ZNF804B: variants seen among roughly 807,000 people sequenced by gnomAD.
ZNF804B encodes zinc finger protein 804B.
Under a neutral mutation model 101.4 loss-of-function variants are expected in ZNF804B, and 80 were observed. The observed-to-expected ratio is 0.79, with a 90% CI of 0.66 to 0.95. The LOEUF (loss-of-function observed/expected upper bound fraction) is 0.95. ZNF804B is among the 40% of genes least tolerant of loss of function. ZNF804B has a pLI of 0.00. For synonymous variants in ZNF804B, 622 were observed against 558.8 expected (o/e 1.11, Z -1.59); for missense variants, 1,673 against 1,561.9 (o/e 1.07, Z -1.20).
chr7:89,321,482 AAAT>A lies in ZNF804B; in HGVS notation c.250-5846_250-5844del, dbSNP rs570968450. Among the ~76,000 whole-genome samples the A allele has an allele frequency of 3.4e-3, 512 of 152,106 alleles. 2 individuals carry two copies. The highest frequency in any genetic ancestry group is 8.7e-3 in the African/African-American group (361 of 41,508). ...CAACAGAGCGAGACCCCATCTCAAA[AAAT>A]AATAATAATAATAATTTTATGTTAC... is the stretch of plus-strand genomic sequence containing the variant. On this transcript the variant is annotated intron_variant, in intron 2 of 3. Transcript: ENST00000333190.
intron 2 of ZNF804B, among the ~76,000 whole-genome samples, chr7:89,273,303 T>C (rs1033938517): frequency 6.6e-6 from 1 of 152,056 alleles, no homozygotes; most frequent in Non-Finnish European, 1.5e-5. Context: ...CCAAGCTAAA[T>C]GAAAGGAAGA....
intron 1 of ZNF804B, among the ~76,000 whole-genome samples, chr7:88,926,310 G>A (rs1792795425): frequency 6.6e-6 from 1 of 152,012 alleles, no homozygotes; most frequent in African/African-American, 2.4e-5. Flanking sequence ...AAGGAGGCCG[G>A]GTGTGGTGGC....
At chr7:89,113,339 G>A (rs1162336550) in intron 1 of ZNF804B, among the ~76,000 whole-genome samples, 2 of 152,102 alleles carry the variant, frequency 1.3e-5, no homozygotes, top group Non-Finnish European at 2.9e-5. Context: ...ACCTGCACAT[G>A]TAATAAACCT....
At chr7:88,823,733 T>G (rs375386061) in intron 1 of ZNF804B, among the ~76,000 whole-genome samples, 4 of 152,096 alleles carry the variant, frequency 2.6e-5, no homozygotes, top group African/African-American at 9.7e-5. Context: ...GCTTCTACTA[T>G]TGGGATCTAT....
At chr7:89,112,484 G>C (rs879792614) in intron 1 of ZNF804B, among the ~76,000 whole-genome samples, 1 of 152,088 alleles carries the variant, frequency 6.6e-6, no homozygotes, top group African/African-American at 2.4e-5. Flanking sequence ...CTATTTGTCT[G>C]TTCTTTTGCC....
chr7:89,006,803 A>C (rs1185747163), intron 1 of ZNF804B, among the ~76,000 whole-genome samples: 1 of 152,124 alleles, frequency 6.6e-6, no homozygotes, highest in Non-Finnish European at 1.5e-5. Flanking sequence ...GCTCCTCTGC[A>C]AATGTAGATT....
chr7:88,942,734 T>C (rs1793074210), intron 1 of ZNF804B, among the ~76,000 whole-genome samples: 1 of 151,806 alleles, frequency 6.6e-6, no homozygotes. Flanking sequence ...TATAAAGTCT[T>C]TTCTAGTCTT....
chr7:89,124,262 A>G (rs1562890619), intron 1 of ZNF804B, among the ~76,000 whole-genome samples: 1 of 152,166 alleles, frequency 6.6e-6, no homozygotes, highest in East Asian at 1.9e-4. Flanking sequence ...AAAGCCAGTC[A>G]TCCAGGCATC....
At chr7:88,970,670 A>G (rs1359264162) in intron 1 of ZNF804B, among the ~76,000 whole-genome samples, 3 of 151,304 alleles carry the variant, frequency 2.0e-5, no homozygotes, top group African/African-American at 7.3e-5. Flanking sequence ...ATAAAGTTCT[A>G]TTGGAACACA....
intron 2 of ZNF804B, among the ~76,000 whole-genome samples, chr7:89,286,437 T>C (rs983995117): frequency 6.6e-6 from 1 of 152,224 alleles, no homozygotes; most frequent in African/African-American, 2.4e-5. Context: ...CCTGAAACAA[T>C]TAATTACTAC....
chr7:88,869,096 C>T (rs1791778176), intron 1 of ZNF804B, among the ~76,000 whole-genome samples: 1 of 152,178 alleles, frequency 6.6e-6, no homozygotes, highest in African/African-American at 2.4e-5. Flanking sequence ...CCATCACACA[C>T]TACAGAGGCA....
chr7:89,333,609 T>C lies in ZNF804B; in HGVS notation c.627T>C (p.Asp209=). The C allele has an allele frequency of 6.2e-7, 1 of 1,613,624 alleles. No individual in the cohort carries two copies. The highest frequency in any genetic ancestry group is 8.5e-7 in the Non-Finnish European group (1 of 1,179,734). The change falls in exon 4 of 4, where the codon GAT becomes GAC. Residue 209 remains aspartate (D), a synonymous_variant. Transcript: ENST00000333190. ...FGNQVLQTSS[D]LSNANHRTGV... ...ATCAGGTACTGCAAACATCTTCAGA[T>C]CTCAGCAATGCAAATCACAGAACAG...
At chr7:89,290,231 A>G (rs926465299) in intron 2 of ZNF804B, among the ~76,000 whole-genome samples, 1 of 152,018 alleles carries the variant, frequency 6.6e-6, no homozygotes, top group Non-Finnish European at 1.5e-5. Flanking sequence ...AGTATCAAAA[A>G]CCTTTGATGA....
intron 1 of ZNF804B, among the ~76,000 whole-genome samples, chr7:89,057,534 A>G (rs1451180785): frequency 1.3e-5 from 2 of 152,082 alleles, no homozygotes; most frequent in East Asian, 3.9e-4. Flanking sequence ...TTAATTAATT[A>G]AAACTATACC....
chr7:89,033,237 TG>T (rs1187190235), intron 1 of ZNF804B, among the ~76,000 whole-genome samples: 2 of 152,146 alleles, frequency 1.3e-5, no homozygotes, highest in African/African-American at 4.8e-5. Context: ...TTTCTGTACC[TG>T]GCTTATTTCA....
intron 1 of ZNF804B, among the ~76,000 whole-genome samples, chr7:89,137,855 A>G (rs1463394284): frequency 6.6e-6 from 1 of 152,020 alleles, no homozygotes; most frequent in Non-Finnish European, 1.5e-5. Flanking sequence ...TCACACACCG[A>G]GAGGCCTAGT....
chr7:89,336,025 A>T lies in ZNF804B; in HGVS notation c.3043A>T (p.Thr1015Ser), dbSNP rs776693850. 1 of 1,614,056 alleles carries T rather than the reference A, an allele frequency of 6.2e-7. No homozygotes were observed. The highest frequency in any genetic ancestry group is 1.1e-5 in the South Asian group (1 of 91,088). ...KSKSSHTNNF[T>S]ILADTDCDNH... ...CAAAAGTTCACACACAAATAATTTT[A>T]CAATTTTAGCAGACACTGATTGTGA... is the stretch of plus-strand genomic sequence containing the variant. Residue 1015 changes from threonine (T) to serine (S), a missense_variant, in exon 4 of 4, where the codon ACA becomes TCA. By Grantham distance (58) the Thr-to-Ser change is moderately conservative (BLOSUM62 1). Coordinates refer to ENST00000333190, the MANE Select transcript of ZNF804B (RefSeq NM_181646.5).
At chr7:88,765,290 A>C (rs1386073215) in intron 1 of ZNF804B, among the ~76,000 whole-genome samples, 1 of 152,300 alleles carries the variant, frequency 6.6e-6, no homozygotes, top group South Asian at 2.1e-4. Context: ...GAACTAAAAT[A>C]AAAATGAAAC....
chr7:88,860,804 G>T (rs774969511), intron 1 of ZNF804B, among the ~76,000 whole-genome samples: 1 of 152,148 alleles, frequency 6.6e-6, no homozygotes, highest in Non-Finnish European at 1.5e-5. Flanking sequence ...GTTTAAAGCA[G>T]TGTACCTCCA....
Sources: gnomAD v4.1 joint callset for allele counts (sites outside exome capture counted in the v4.1 genomes callset) on GRCh38, gnomAD v4.1.1 for gene constraint, MANE v1.5 for transcripts, NCBI Gene and HGNC (gene_info 2026-07-23, HGNC 2026-07-21) for gene names.